The following MAGI1 variants were observed in gnomAD, a reference collection of about 807,000 sequenced individuals.
The protein encoded by MAGI1 is membrane-associated guanylate kinase, WW and PDZ domain-containing protein 1.
A neutral mutation model predicts 139.9 loss-of-function variants in MAGI1; 58 were observed. That is an observed-to-expected ratio of 0.41 (90% CI 0.34 to 0.52). MAGI1 has a LOEUF of 0.52. MAGI1 is among the 20% of genes least tolerant of loss of function. The pLI, the probability that MAGI1 is intolerant of heterozygous loss-of-function variation, is 0.12. For synonymous variants in MAGI1, 812 were observed against 737.9 expected, an observed-to-expected ratio of 1.10 and a Z score of -1.63; for missense variants, 1,874 against 1,901.6, an observed-to-expected ratio of 0.99 and a Z score of 0.27.
chr3:65,702,457 A>G (rs1205490441), intron 1 of MAGI1, among the ~76,000 whole-genome samples: 1 of 150,814 alleles, frequency 6.6e-6, no homozygotes, highest in Non-Finnish European at 1.5e-5. Context: ...ACACGACAGT[A>G]AGGTGTCAAT....
At chr3:65,774,238 G>T (rs1386707836) in intron 1 of MAGI1, among the ~76,000 whole-genome samples, 1 of 152,100 alleles carries the variant, frequency 6.6e-6, no homozygotes, top group Non-Finnish European at 1.5e-5. Flanking sequence ...CACAAGCAAA[G>T]AAGTCCTGAG....
intron 1 of MAGI1, among the ~76,000 whole-genome samples, chr3:65,684,167 CAAAAAAAA>C (rs1163089641): frequency 2.5e-5 from 2 of 79,414 alleles, no homozygotes; most frequent in African/African-American, 4.7e-5. Context: ...GAGACTGTCT[CAAAAAAAA>C]AAAAAAAAAA....
chr3:65,426,288 C>T (rs1310517093), intron 12 of MAGI1, among the ~76,000 whole-genome samples: 4 of 152,160 alleles, frequency 2.6e-5, no homozygotes, highest in African/African-American at 9.7e-5. Context: ...GATATTTCAA[C>T]CTTCAGCTCG....
At chr3:65,483,501 C>T (rs571312762) in intron 3 of MAGI1, among the ~76,000 whole-genome samples, 2 of 152,328 alleles carry the variant, frequency 1.3e-5, no homozygotes, top group African/African-American at 4.8e-5. Context: ...ACCTTACAGA[C>T]AGTATGCGCG....
chr3:65,763,043 T>C (rs189385117), intron 1 of MAGI1, among the ~76,000 whole-genome samples: 1 of 152,238 alleles, frequency 6.6e-6, no homozygotes, highest in African/African-American at 2.4e-5. Context: ...GAACAGCCAT[T>C]CAAGGGGATA....
intron 6 of MAGI1, among the ~76,000 whole-genome samples, chr3:65,450,791 G>A (rs1331034421): frequency 2.0e-5 from 3 of 152,114 alleles, no homozygotes; most frequent in South Asian, 4.1e-4. Flanking sequence ...TAATAATTAA[G>A]TATGATGCTA....
intron 2 of MAGI1, among the ~76,000 whole-genome samples, chr3:65,593,680 A>G (rs1398372965): frequency 6.6e-6 from 1 of 152,202 alleles, no homozygotes; most frequent in African/African-American, 2.4e-5. Context: ...ATGACTGCAT[A>G]AGGTCAAAGT....
At chr3:65,508,970 C>T (rs2077424931) in intron 2 of MAGI1, among the ~76,000 whole-genome samples, 1 of 152,340 alleles carries the variant, frequency 6.6e-6, no homozygotes, top group South Asian at 2.1e-4. Context: ...CTGCCATTAG[C>T]TTCCTGTGAG....
intron 1 of MAGI1, among the ~76,000 whole-genome samples, chr3:65,665,511 T>C (rs1479904785): frequency 6.6e-6 from 1 of 152,202 alleles, no homozygotes; most frequent in Non-Finnish European, 1.5e-5. Context: ...GCATATGTGA[T>C]TTGAAAGAAA....
chr3:65,780,115 T>C (rs2038811395), intron 1 of MAGI1, among the ~76,000 whole-genome samples: 1 of 152,084 alleles, frequency 6.6e-6, no homozygotes, highest in East Asian at 1.9e-4. Flanking sequence ...CTGGACATTG[T>C]GGGCTCAGGT....
chr3:65,573,639 T>C (rs942349963), intron 2 of MAGI1, among the ~76,000 whole-genome samples: 1 of 152,096 alleles, frequency 6.6e-6, no homozygotes. Context: ...ACATCATAGT[T>C]AATGGTGAAA....
chr3:65,796,628 A>G (rs1336244163), intron 1 of MAGI1, among the ~76,000 whole-genome samples: 1 of 152,240 alleles, frequency 6.6e-6, no homozygotes, highest in African/African-American at 2.4e-5. Context: ...AAAAGTATTT[A>G]TATTCATTTA....
chr3:65,604,243 G>T (rs907286028), intron 2 of MAGI1, among the ~76,000 whole-genome samples: 1 of 151,228 alleles, frequency 6.6e-6, no homozygotes, highest in Non-Finnish European at 1.5e-5. Context: ...ATATGACAAA[G>T]AAGACACTAA....
Position 65,429,702 on chromosome 3 carries a change from C to T in MAGI1, c.1985G>A (p.Gly662Asp). Residue 662 changes from glycine (G) to aspartate (D), a missense_variant, in exon 12 of 23, where the codon GGT becomes GAT. Gly to Asp is a moderately conservative substitution (Grantham distance 94, BLOSUM62 -1). Coordinates refer to ENST00000402939, the MANE Select transcript of MAGI1 (RefSeq NM_001033057.2). The part of the protein sequence containing the change: ...GFGFTIADSP[G>D]GGGQRVKQIV... ...CTGTTTCACTCTTTGGCCACCCCCA[C>T]CAGGACTGTCTGCGATAGTAAAACC... 2 of 1,613,920 alleles carry T rather than the reference C, an allele frequency of 1.2e-6. No individual in the cohort carries two copies. The highest frequency in any genetic ancestry group is 1.1e-5 in the South Asian group (1 of 91,084).
intron 5 of MAGI1, among the ~76,000 whole-genome samples, chr3:65,454,939 G>C (rs944274482): frequency 6.6e-6 from 1 of 152,064 alleles, no homozygotes; most frequent in Non-Finnish European, 1.5e-5. Context: ...TGAGAAAACT[G>C]ATAATAGAAA....
chr3:65,429,371 T>C, intron 12 of MAGI1, 149 bp downstream of exon 12: 1 of 784,322 alleles, frequency 1.3e-6, no homozygotes, highest in Non-Finnish European at 2.0e-6. Context: ...ATTTTTATGC[T>C]AAAGAGGTTA....
chr3:65,417,668 T>C (rs1193583100), intron 12 of MAGI1, among the ~76,000 whole-genome samples: 1 of 152,058 alleles, frequency 6.6e-6, no homozygotes, highest in Non-Finnish European at 1.5e-5. Context: ...TTTCTTGATG[T>C]TTTTGTGTAT....
intron 2 of MAGI1, among the ~76,000 whole-genome samples, chr3:65,525,843 T>C (rs1212135189): frequency 1.3e-5 from 2 of 152,192 alleles, no homozygotes; most frequent in East Asian, 3.9e-4. Context: ...TTAGTAGGTA[T>C]TATTTCCTGA....
At chr3:66,008,481 C>A (rs1011832890) in intron 1 of MAGI1, among the ~76,000 whole-genome samples, 1 of 152,178 alleles carries the variant, frequency 6.6e-6, no homozygotes, top group Non-Finnish European at 1.5e-5. Context: ...ATGCCCTTGA[C>A]CCTCACGCAG....
Sources: gnomAD v4.1 joint callset for allele counts (sites outside exome capture counted in the v4.1 genomes callset) on GRCh38, gnomAD v4.1.1 for gene constraint, MANE v1.5 for transcripts, NCBI Gene and HGNC (gene_info 2026-07-23, HGNC 2026-07-21) for gene names.